The following PRKN variants were observed in gnomAD, a reference collection of about 807,000 sequenced individuals.
The protein encoded by PRKN is parkin RBR E3 ubiquitin protein ligase, also known as E3 ubiquitin-protein ligase parkin.
Under a neutral mutation model 59.5 loss-of-function variants are expected in PRKN, and 56 were observed. That is an observed-to-expected ratio of 0.94 (90% confidence interval 0.76 to 1.18). The LOEUF is 1.18. Ranked by LOEUF, PRKN falls within the 50% of genes most tolerant of loss-of-function variation. PRKN has a pLI of 0.00. For missense variants in PRKN, 657 were observed against 596.4 expected, an observed-to-expected ratio of 1.10 and a Z score of -1.06; for synonymous variants, 250 against 222.1, an observed-to-expected ratio of 1.13 and a Z score of -1.12.
At chr6:161,505,411 G>C (rs926042964) in intron 9 of PRKN, among the ~76,000 whole-genome samples, 8 of 151,354 alleles carry the variant, frequency 5.3e-5, no homozygotes, top group Admixed American at 2.6e-4. Context: ...GTTCATTGTA[G>C]ATTCTGGATA....
At chr6:162,562,117 G>C (rs1779869863) in intron 1 of PRKN, among the ~76,000 whole-genome samples, 1 of 152,120 alleles carries the variant, frequency 6.6e-6, no homozygotes, top group Non-Finnish European at 1.5e-5. Context: ...GCCACAGCAG[G>C]AAAGGGCAAC....
chr6:162,173,313 G>A (rs759959847), intron 4 of PRKN, among the ~76,000 whole-genome samples: 2 of 151,994 alleles, frequency 1.3e-5, no homozygotes, highest in African/African-American at 4.8e-5. Context: ...GCATCTCCAC[G>A]GACCAGCACT....
intron 7 of PRKN, among the ~76,000 whole-genome samples, chr6:161,702,128 C>T (rs1231593619): frequency 1.3e-5 from 2 of 152,010 alleles, no homozygotes; most frequent in Non-Finnish European, 2.9e-5. Flanking sequence ...TTCATGATCC[C>T]TTAAAAAATA....
At chr6:161,574,252 G>A (rs1049769724) in intron 7 of PRKN, among the ~76,000 whole-genome samples, 7 of 152,202 alleles carry the variant, frequency 4.6e-5, no homozygotes, top group African/African-American at 1.7e-4. Flanking sequence ...ACTGCAAGAC[G>A]GGCCCACAGA....
intron 5 of PRKN, among the ~76,000 whole-genome samples, chr6:162,044,346 C>T (rs1406737386): frequency 1.3e-5 from 2 of 152,182 alleles, no homozygotes; most frequent in Non-Finnish European, 2.9e-5. Context: ...GCCATCACCA[C>T]CTCCCAGGTG....
At chr6:161,680,775 A>ATATTTTT (rs1216235673) in intron 7 of PRKN, among the ~76,000 whole-genome samples, 14 of 30,612 alleles carry the variant, frequency 4.6e-4, no homozygotes, top group Non-Finnish European at 7.3e-4. Context: ...ATATATATAT[A>ATATTTTT]TTTTTTTTTT....
chr6:162,120,424 C>G (rs374505117), intron 4 of PRKN, among the ~76,000 whole-genome samples: 10 of 152,324 alleles, frequency 6.6e-5, no homozygotes, highest in African/African-American at 2.4e-4. Flanking sequence ...ATTGCAAGGA[C>G]TTTCACCTAA....
chr6:161,490,859 G>T (rs535788312), intron 9 of PRKN, among the ~76,000 whole-genome samples: 1 of 152,038 alleles, frequency 6.6e-6, no homozygotes, highest in Admixed American at 6.5e-5. Flanking sequence ...GTGAGTTATC[G>T]TGAGATCTGG....
intron 1 of PRKN, among the ~76,000 whole-genome samples, chr6:162,558,123 GT>G (rs1779684658): frequency 6.6e-6 from 1 of 151,930 alleles, no homozygotes; most frequent in South Asian, 2.1e-4. Context: ...TACGACAAAG[GT>G]TTTATTTGGT....
intron 4 of PRKN, among the ~76,000 whole-genome samples, chr6:162,132,587 ACG>A (rs1355668489): frequency 6.6e-6 from 1 of 152,146 alleles, no homozygotes; most frequent in Non-Finnish European, 1.5e-5. Flanking sequence ...AATAATAACG[ACG>A]TTGTAACTAG....
intron 1 of PRKN, among the ~76,000 whole-genome samples, chr6:162,451,426 T>C (rs753371269): frequency 5.4e-5 from 6 of 111,752 alleles, no homozygotes; most frequent in African/African-American, 1.7e-4. Context: ...ATCAGAGAAA[T>C]AGAAATTATA....
chr6:161,900,291 T>A lies in PRKN; in HGVS notation c.734+73011A>T, dbSNP rs112534318. ...AGATGTGAACGTGTTGAAATGGAAGTGAGAGGGAGTCCACTGAGAAGCAGC... is the reference window on the plus strand; with the variant it reads ...AGATGTGAACGTGTTGAAATGGAAGAGAGAGGGAGTCCACTGAGAAGCAGC... On this transcript the variant is annotated intron_variant, in intron 6 of 11. Coordinates refer to ENST00000366898, the MANE Select transcript of PRKN (RefSeq NM_004562.3). Among the ~76,000 whole-genome samples the A allele has an allele frequency of 6.3e-3, 943 of 150,562 alleles. 10 individuals carry two copies. The highest frequency in any genetic ancestry group is 0.022 in the African/African-American group (900 of 41,058).
chr6:161,442,390 A>G lies in PRKN; in HGVS notation c.1084-55513T>C, dbSNP rs1451117709. 1.3e-5 allele frequency among the ~76,000 whole-genome samples: 2 copies of G among 152,224 alleles called. No homozygotes were observed. Among genetic ancestry groups the G allele is most frequent in the Admixed American group, 6.5e-5 (1 of 15,284 alleles). On this transcript the variant is annotated intron_variant, in intron 9 of 11. Coordinates refer to ENST00000366898, the MANE Select transcript of PRKN (RefSeq NM_004562.3). The surrounding 1 kb of genome is among the most constrained non-coding windows in gnomAD (Gnocchi z 4.6). Reference sequence around the variant, plus strand: ...TCTTGAAGGCTAGATTTAAGACACTATTCTTACTGTCCACAAACAGGTTTA... The same window carrying G: ...TCTTGAAGGCTAGATTTAAGACACTGTTCTTACTGTCCACAAACAGGTTTA...
intron 6 of PRKN, among the ~76,000 whole-genome samples, chr6:161,798,075 C>A (rs1250681856): frequency 6.6e-6 from 1 of 152,142 alleles, no homozygotes; most frequent in Non-Finnish European, 1.5e-5. Flanking sequence ...GTGGCACGCA[C>A]CTGTAGTCCC....
At chr6:161,919,255 A>C (rs1166527517) in intron 6 of PRKN, among the ~76,000 whole-genome samples, 1 of 152,232 alleles carries the variant, frequency 6.6e-6, no homozygotes, top group African/African-American at 2.4e-5. Flanking sequence ...GACTGACAAA[A>C]GATTACATAG....
chr6:162,421,195 TA>T (rs1256309416), intron 2 of PRKN, among the ~76,000 whole-genome samples: 1 of 152,226 alleles, frequency 6.6e-6, no homozygotes, highest in African/African-American at 2.4e-5. Context: ...TGTTTATCAA[TA>T]ACCCTCCATC....
At chr6:162,085,811 T>G (rs559531370) in intron 4 of PRKN, among the ~76,000 whole-genome samples, 43 of 151,942 alleles carry the variant, frequency 2.8e-4, no homozygotes, top group Middle Eastern at 3.4e-3. Context: ...TGAAAAACAC[T>G]TTTATGACAG....
rs374998629 is a variant in PRKN at position 161,460,335 on chromosome 6, G to A, written c.1084-73458C>T. ...GAAAAGTGGGTTAGATATTGCTTGG[G>A]AATAATGGGCAAAGGAGGTGCCATA... On this transcript the variant is annotated intron_variant, in intron 9 of 11. Transcript: ENST00000366898. The surrounding 1 kb of genome is among the most constrained non-coding windows in gnomAD (Gnocchi z 5.0). 3.9e-5 allele frequency among the ~76,000 whole-genome samples: 6 copies of A among 152,138 alleles called. No individual in the cohort carries two copies. The highest frequency in any genetic ancestry group is 1.4e-4 in the African/African-American group (6 of 41,428).
intron 7 of PRKN, among the ~76,000 whole-genome samples, chr6:161,757,249 A>T (rs1788965384): frequency 6.6e-6 from 1 of 152,212 alleles, no homozygotes; most frequent in East Asian, 1.9e-4. Context: ...AACTGAAATT[A>T]AAAACTTCTG....
Sources: allele counts gnomAD v4.1 joint callset (sites outside exome capture counted in the v4.1 genomes callset), GRCh38; gene constraint gnomAD v4.1.1; non-coding constraint Gnocchi (gnomAD v3.1); transcripts MANE v1.5; gene names NCBI Gene and HGNC (gene_info 2026-07-23, HGNC 2026-07-21).